The following ST14 variants were observed in gnomAD, a reference collection of about 807,000 sequenced individuals.
The protein encoded by ST14 is suppressor of tumorigenicity 14 protein.
Under a neutral mutation model 96.5 loss-of-function variants are expected in ST14, and 40 were observed. The observed-to-expected ratio is 0.41, with a 90% CI of 0.32 to 0.54. The LOEUF (loss-of-function observed/expected upper bound fraction) is 0.54, where lower values mean the gene tolerates loss of function less well. Among genes scored for constraint, ST14 ranks in the 20% least tolerant of loss-of-function variants. The probability of loss-of-function intolerance (pLI) is 0.17; values close to 1 mark genes in which losing one functional copy is unlikely to be tolerated. For synonymous variants in ST14, 506 were observed against 492.1 expected, an observed-to-expected ratio of 1.03 and a Z score of -0.37; for missense variants, 1,066 against 1,188.9, an observed-to-expected ratio of 0.90 and a Z score of 1.52.
At chr11:130,207,086 C>G (rs1337830831) in intron 16 of ST14, among the ~76,000 whole-genome samples, 4 of 152,142 alleles carry the variant, frequency 2.6e-5, no homozygotes, top group Non-Finnish European at 5.9e-5. Flanking sequence ...AGTGCTCGAT[C>G]GCTTCCTGCA....
intron 1 of ST14, among the ~76,000 whole-genome samples, chr11:130,186,129 G>A (rs1015868519): frequency 2.0e-5 from 3 of 152,308 alleles, no homozygotes; most frequent in African/African-American, 7.2e-5. Context: ...AATTCTAAGT[G>A]AAAATTATTT....
intron 16 of ST14, among the ~76,000 whole-genome samples, chr11:130,205,588 A>G (rs1019046144): frequency 1.3e-5 from 2 of 152,172 alleles, no homozygotes; most frequent in Admixed American, 1.3e-4. Context: ...TGTGTCTCCA[A>G]AAACACGGAT....
At chr11:130,197,695 G>T in intron 11 of ST14, 146 bp from the exon 12 acceptor site, 1 of 654,924 alleles carries the variant, frequency 1.5e-6, no homozygotes, top group Non-Finnish European at 2.6e-6. Flanking sequence ...CAGCTTGGTG[G>T]GCCTGGGTAA....
rs753019196 is a variant in ST14 at position 130,188,271 on chromosome 11, A to G, written c.239A>G (p.Gln80Arg). Residue 80 changes from glutamine (Q) to arginine (R), a missense_variant and splice_region_variant, in exon 2 of 19, where the codon CAG becomes CGG. Coordinates refer to ENST00000278742, the MANE Select transcript of ST14 (RefSeq NM_021978.4). This position sits in a 1 kb window ranked among gnomAD's most constrained non-coding sequence, Gnocchi z 5.4. Reference sequence around the variant, plus strand: ...ATCGGCTTCCTGGTGTGGCATTTGCAGTGTGAGTAAAGCTGGGGCTGGCTC... The same window carrying G: ...ATCGGCTTCCTGGTGTGGCATTTGCGGTGTGAGTAAAGCTGGGGCTGGCTC... Reference protein sequence around the residue: ...LGIGFLVWHLQYRDVRVQKVF... With the variant: ...LGIGFLVWHLRYRDVRVQKVF... 6.2e-7 allele frequency: 1 copy of G among 1,612,986 alleles called. No individual in the cohort carries two copies. Among genetic ancestry groups the G allele is most frequent in the South Asian group, 1.1e-5 (1 of 90,980 alleles).
intron 8 of ST14, 64 bp downstream of exon 8, chr11:130,194,352 G>C: frequency 6.2e-7 from 1 of 1,603,670 alleles, no homozygotes; most frequent in Non-Finnish European, 8.5e-7. Context: ...GGCCTTAGTG[G>C]GGGTGACCTG....
chr11:130,179,285 A>G (rs751804845), intron 1 of ST14, among the ~76,000 whole-genome samples: 4 of 152,152 alleles, frequency 2.6e-5, no homozygotes, highest in Non-Finnish European at 5.9e-5. Context: ...GTTGATTGTT[A>G]TTGTTCTTTT....
chr11:130,164,554 G>A (rs1394486687), intron 1 of ST14, among the ~76,000 whole-genome samples: 2 of 151,674 alleles, frequency 1.3e-5, no homozygotes, highest in Non-Finnish European at 2.9e-5. Flanking sequence ...CAGTAGCTGG[G>A]ACTACAGGTG....
intron 7 of ST14, 105 bp from the exon 8 acceptor site, chr11:130,194,044 T>G: frequency 3.5e-6 from 5 of 1,446,548 alleles, no homozygotes; most frequent in African/African-American, 1.4e-5. Flanking sequence ...GGGACCAGAG[T>G]TAGGGGTGGG....
chr11:130,161,382 C>G (rs1952997179), intron 1 of ST14, among the ~76,000 whole-genome samples: 1 of 151,560 alleles, frequency 6.6e-6, no homozygotes, highest in African/African-American at 2.4e-5. Flanking sequence ...CCTGCCTCTT[C>G]AGCAGAGAAC....
intron 9 of ST14, 115 bp downstream of exon 9, chr11:130,194,852 A>ATGTG (rs58417767): frequency 1.7e-5 from 13 of 783,692 alleles, no homozygotes; most frequent in African/African-American, 5.3e-5. Flanking sequence ...ATATGTGTGC[A>ATGTG]TGTGTGTGTG....
chr11:130,179,975 T>A (rs776478158), intron 1 of ST14, among the ~76,000 whole-genome samples: 3 of 152,198 alleles, frequency 2.0e-5, no homozygotes, highest in Non-Finnish European at 4.4e-5. Flanking sequence ...CCCTTGCAGG[T>A]GCTCGGGCTC....
intron 1 of ST14, among the ~76,000 whole-genome samples, chr11:130,161,056 A>C (rs1952995328): frequency 6.6e-6 from 1 of 152,034 alleles, no homozygotes; most frequent in Non-Finnish European, 1.5e-5. Context: ...GTTGCTCCCT[A>C]AGTCAGGCCT....
chr11:130,200,815 A>G (rs888071733), intron 16 of ST14, among the ~76,000 whole-genome samples: 3 of 152,200 alleles, frequency 2.0e-5, no homozygotes, highest in African/African-American at 7.2e-5. Context: ...AGAAGTAGGG[A>G]CGTTTGCTTG....
intron 7 of ST14, among the ~76,000 whole-genome samples, chr11:130,193,749 C>T (rs1173358706): frequency 3.3e-5 from 5 of 152,280 alleles, no homozygotes; most frequent in South Asian, 2.1e-4. Flanking sequence ...GGTTTATAGG[C>T]GTGAGCCACT....
chr11:130,174,039 C>T (rs768198641), intron 1 of ST14, among the ~76,000 whole-genome samples: 9 of 152,134 alleles, frequency 5.9e-5, no homozygotes, highest in Non-Finnish European at 1.0e-4. Context: ...AATAATGAAA[C>T]AATTGGCTTG....
At chr11:130,196,852 C>T (rs149106563) in intron 11 of ST14, 152 bp downstream of exon 11, 498 of 1,147,162 alleles carry the variant, frequency 4.3e-4, no homozygotes, top group Non-Finnish European at 5.9e-4. Context: ...GAGGAAAACA[C>T]GCTACCTTTG....
rs1953250446 is a variant in ST14 at position 130,187,693 on chromosome 11, C to A, written c.82-421C>A. Among the ~76,000 whole-genome samples, 1 of 152,172 alleles carries A rather than the reference C, an allele frequency of 6.6e-6. No individual in the cohort carries two copies. On this transcript the variant is annotated intron_variant, in intron 1 of 18. Transcript: ENST00000278742. The surrounding 1 kb of genome is among the most constrained non-coding windows in gnomAD (Gnocchi z 4.5). ...AGCAGGGCCTGCTCCTAGAAGTCTG[C>A]ACAGGGGTACCAGTTGCCAGTCATG... is the stretch of plus-strand genomic sequence containing the variant.
chr11:130,209,300 G>A, intron 17 of ST14, 142 bp from the exon 18 acceptor site: 1 of 1,120,256 alleles, frequency 8.9e-7, no homozygotes, highest in Non-Finnish European at 1.3e-6. Context: ...AGCCCACTGA[G>A]TAGACGCGGA....
intron 16 of ST14, among the ~76,000 whole-genome samples, chr11:130,204,532 C>T (rs1162275468): frequency 6.6e-6 from 1 of 152,034 alleles, no homozygotes; most frequent in Non-Finnish European, 1.5e-5. Flanking sequence ...CAGAAGGGGG[C>T]CTGGCGCGGT....
Sources: gnomAD v4.1 joint callset for allele counts (sites outside exome capture counted in the v4.1 genomes callset) on GRCh38, gnomAD v4.1.1 for gene constraint, Gnocchi (gnomAD v3.1) non-coding constraint, MANE v1.5 for transcripts, NCBI Gene and HGNC (gene_info 2026-07-23, HGNC 2026-07-21) for gene names.